Variants in PCDHGA9 observed in about 807,000 individuals in gnomAD.
The protein encoded by PCDHGA9 is protocadherin gamma subfamily A, 9, also known as protocadherin gamma-A9.
PCDHGA9 carries 37 observed loss-of-function variants against 62.5 expected under a neutral mutation model. The ratio of observed to expected loss-of-function variants is 0.59; its 90% CI spans 0.46 to 0.78. The LOEUF is 0.78. Ranked by LOEUF, PCDHGA9 falls within the 30% of genes least tolerant of loss-of-function variation. PCDHGA9 has a pLI of 0.00. For synonymous variants in PCDHGA9, 459 were observed against 484.6 expected, an observed-to-expected ratio of 0.95 and a Z score of 0.69; for missense variants, 1,138 against 1,166.2, an observed-to-expected ratio of 0.98 and a Z score of 0.35.
rs1243327893 is a variant in PCDHGA9, at chr5:141,491,671, C to G, written c.2425-3136C>G. 1 of 1,613,484 alleles carries G rather than the reference C, an allele frequency of 6.2e-7. No homozygotes were observed. Among genetic ancestry groups the G allele is most frequent in the Admixed American group, 1.7e-5 (1 of 60,034 alleles). On this transcript the variant is annotated intron_variant, in intron 1 of 3. Transcript: ENST00000573521. This position sits in a 1 kb window ranked among gnomAD's most constrained non-coding sequence, Gnocchi z 6.9. ...GCTGGAGCCTGACGCCATCCGGTCC[C>G]GCTCTAATACGCTGCGGGAGCGGAG...
chr5:141,432,120 A>G lies in PCDHGA9; in HGVS notation c.2424+26744A>G, dbSNP rs764363553. 12 of 1,613,978 alleles carry G rather than the reference A, an allele frequency of 7.4e-6. No homozygotes were observed. The highest frequency in any genetic ancestry group is 5.3e-5 in the African/African-American group (4 of 74,894). ...AACGACAACCCGCCGGTCTTCCCTCAGGCCTCCTATTCCGCTTATATCCCA... is the reference window on the plus strand; with the variant it reads ...AACGACAACCCGCCGGTCTTCCCTCGGGCCTCCTATTCCGCTTATATCCCA... On this transcript the variant is annotated intron_variant, in intron 1 of 3. Transcript: ENST00000573521. The surrounding 1 kb of genome is among the most constrained non-coding windows in gnomAD (Gnocchi z 6.0).
At chr5:141,463,532 T>G (rs1237301892) in intron 1 of PCDHGA9, among the ~76,000 whole-genome samples, 1 of 133,692 alleles carries the variant, frequency 7.5e-6, no homozygotes, top group African/African-American at 2.8e-5. Flanking sequence ...TACTAGAAAC[T>G]CCGGCTCCCG....
intron 1 of PCDHGA9, chr5:141,411,955 A>C (rs1427605209): frequency 6.6e-5 from 10 of 152,244 alleles, no homozygotes; most frequent in African/African-American, 1.2e-4. Context: ...TTTGAAGAAA[A>C]AAGATAAAAT....
intron 3 of PCDHGA9, among the ~76,000 whole-genome samples, chr5:141,510,566 A>G (rs2154594633): frequency 6.6e-6 from 1 of 152,288 alleles, no homozygotes; most frequent in South Asian, 2.1e-4. Flanking sequence ...TACATCTACC[A>G]GGCACTATTT....
chr5:141,450,650 C>G (rs1220350105), intron 1 of PCDHGA9, among the ~76,000 whole-genome samples: 1 of 151,618 alleles, frequency 6.6e-6, no homozygotes, highest in Non-Finnish European at 1.5e-5. Context: ...CCATGCCTGG[C>G]TAATTTTTGT....
Position 141,476,351 on chromosome 5 carries a change from G to C in PCDHGA9, c.2425-18456G>C. On this transcript the variant is annotated intron_variant, in intron 1 of 3. Transcript: ENST00000573521. This position sits in a 1 kb window ranked among gnomAD's most constrained non-coding sequence, Gnocchi z 7.6. ...TGGAGCTAGCCGAAGATTCTTTGAG[G>C]TGAACCGGGAGACCGGAGAGATGTT... 3 of 1,614,182 alleles carry C rather than the reference G, an allele frequency of 1.9e-6. No homozygotes were observed. Among genetic ancestry groups the C allele is most frequent in the Non-Finnish European group, 2.5e-6 (3 of 1,180,046 alleles).
intron 1 of PCDHGA9, chr5:141,478,141 C>T (rs770862398): frequency 6.2e-7 from 1 of 1,614,044 alleles, no homozygotes; most frequent in Non-Finnish European, 8.5e-7. Context: ...AAGCCCGAGC[C>T]GAGTTCCCCT....
chr5:141,432,707 G>T lies in PCDHGA9; in HGVS notation c.2424+27331G>T. The T allele has an allele frequency of 6.2e-7, 1 of 1,613,988 alleles. No homozygotes were observed. The highest frequency in any genetic ancestry group is 1.1e-5 in the South Asian group (1 of 91,080). ...CCTCGTAGTGGCCGTCCAGGACCAC[G>T]GCCAGCCCCCTCTCTCCGCCACTGT... On this transcript the variant is annotated intron_variant, in intron 1 of 3. Transcript: ENST00000573521. The surrounding 1 kb of genome is among the most constrained non-coding windows in gnomAD (Gnocchi z 6.0).
At chr5:141,422,705 C>A in intron 1 of PCDHGA9, 1 of 1,602,702 alleles carries the variant, frequency 6.2e-7, no homozygotes, top group East Asian at 2.2e-5. Flanking sequence ...TACTCTCTGA[C>A]GGATGACACT....
Position 141,431,145 on chromosome 5 carries a change from A to G in PCDHGA9, c.2424+25769A>G. The G allele has an allele frequency of 1.2e-6, 2 of 1,614,244 alleles. No homozygotes were observed. Among genetic ancestry groups the G allele is most frequent in the Non-Finnish European group, 1.7e-6 (2 of 1,180,042 alleles). On this transcript the variant is annotated intron_variant, in intron 1 of 3. Transcript: ENST00000573521. The surrounding 1 kb of genome is among the most constrained non-coding windows in gnomAD (Gnocchi z 4.8). ...GTAGAAGTAAGGGACATTAACGACA[A>G]TGCGCCTTACTTTCGTGAAAGTGAA... is the stretch of plus-strand genomic sequence containing the variant.
chr5:141,499,551 A>T (rs1178321389), intron 2 of PCDHGA9, among the ~76,000 whole-genome samples: 1 of 152,200 alleles, frequency 6.6e-6, no homozygotes, highest in Non-Finnish European at 1.5e-5. Flanking sequence ...AACCTGTATG[A>T]TACCACTATC....
chr5:141,477,265 G>A lies in PCDHGA9; in HGVS notation c.2425-17542G>A. The A allele has an allele frequency of 6.2e-7, 1 of 1,614,198 alleles. No individual in the cohort carries two copies. Among genetic ancestry groups the A allele is most frequent in the African/African-American group, 1.3e-5 (1 of 75,048 alleles). On this transcript the variant is annotated intron_variant, in intron 1 of 3. Transcript: ENST00000573521. The surrounding 1 kb of genome is among the most constrained non-coding windows in gnomAD (Gnocchi z 4.9). ...GTGTGACTGACCTGGATGCTGGCGA[G>A]AACGGGCTGGTGACCTGCGAAGTTC...
chr5:141,472,454 C>T (rs538141635), intron 1 of PCDHGA9, among the ~76,000 whole-genome samples: 3 of 151,192 alleles, frequency 2.0e-5, no homozygotes, highest in South Asian at 4.2e-4. Context: ...GCAGGAGAAT[C>T]GCTTGAACCC....
chr5:141,477,378 C>A lies in PCDHGA9; in HGVS notation c.2425-17429C>A. On this transcript the variant is annotated intron_variant, in intron 1 of 3. Coordinates refer to ENST00000573521, the MANE Select transcript of PCDHGA9 (RefSeq NM_018921.3). This position sits in a 1 kb window ranked among gnomAD's most constrained non-coding sequence, Gnocchi z 4.9. ...GCAGACCTGGATCGGGAGACTGTGC[C>A]AGAATACAACCTCAGCATCACCGCC... 2 of 1,614,136 alleles carry A rather than the reference C, an allele frequency of 1.2e-6. No homozygotes were observed. Among genetic ancestry groups the A allele is most frequent in the Non-Finnish European group, 1.7e-6 (2 of 1,180,034 alleles).
rs1378433689 is a variant in PCDHGA9, at chr5:141,409,139, G to A, written c.2424+3763G>A. Reference sequence around the variant, plus strand: ...CCAGTCATTTGATTTTGAAGATGTAGAAAGGTACACCATGGAAGTGGAAGC... The same window carrying A: ...CCAGTCATTTGATTTTGAAGATGTAAAAAGGTACACCATGGAAGTGGAAGC... On this transcript the variant is annotated intron_variant, in intron 1 of 3. Transcript: ENST00000573521. 5.6e-6 allele frequency: 9 copies of A among 1,613,894 alleles called. No homozygotes were observed. In the Admixed American group the frequency reaches 1.5e-4, roughly 27 times the overall value.
chr5:141,483,538 G>C (rs571240759), intron 1 of PCDHGA9, among the ~76,000 whole-genome samples: 1 of 152,230 alleles, frequency 6.6e-6, no homozygotes, highest in African/African-American at 2.4e-5. Flanking sequence ...AAGCTGGGTG[G>C]TTGACAGTGC....
chr5:141,422,775 T>G (rs1179216247), intron 1 of PCDHGA9: 1 of 1,614,046 alleles, frequency 6.2e-7, no homozygotes, highest in Non-Finnish European at 8.5e-7. Context: ...GTGTTCTCTA[T>G]GCCCTACAAT....
chr5:141,418,282 A>C, intron 1 of PCDHGA9: 1 of 1,614,030 alleles, frequency 6.2e-7, no homozygotes, highest in Non-Finnish European at 8.5e-7. Flanking sequence ...TAAACTTAGA[A>C]ATCAGTGAAT....
At chr5:141,442,111 C>G (rs1265830634) in intron 1 of PCDHGA9, 1 of 166,236 alleles carries the variant, frequency 6.0e-6, no homozygotes, top group Non-Finnish European at 1.3e-5. Context: ...CACTACCGCC[C>G]CTCGTCGCCG....
Sources: allele counts gnomAD v4.1 joint callset (sites outside exome capture counted in the v4.1 genomes callset), GRCh38; gene constraint gnomAD v4.1.1; non-coding constraint Gnocchi (gnomAD v3.1); transcripts MANE v1.5; gene names NCBI Gene and HGNC (gene_info 2026-07-23, HGNC 2026-07-21).